Variants in HLCS observed in about 807,000 individuals in gnomAD.
The protein encoded by HLCS is holocarboxylase synthetase, also known as biotin--protein ligase.
In HLCS, 53 loss-of-function variants were observed where a neutral mutation model predicts 75.0. The ratio of observed to expected loss-of-function variants is 0.71; its 90% CI spans 0.57 to 0.89. The LOEUF (loss-of-function observed/expected upper bound fraction) is 0.89. HLCS is among the 40% of genes least tolerant of loss of function. The pLI is 0.00. For missense variants in HLCS, 966 were observed against 1,074.0 expected (o/e 0.90, Z 1.41); for synonymous variants, 431 against 428.6 (o/e 1.01, Z -0.07).
intron 2 of HLCS, among the ~76,000 whole-genome samples, chr21:36,941,096 C>T (rs182242770): frequency 1.3e-5 from 2 of 152,300 alleles, no homozygotes; most frequent in East Asian, 3.9e-4. Context: ...CCTATAATCC[C>T]AGCTATTCAG....
chr21:36,845,573 C>T (rs1057187802), intron 6 of HLCS, among the ~76,000 whole-genome samples: 5 of 152,164 alleles, frequency 3.3e-5, no homozygotes, highest in East Asian at 1.9e-4. Context: ...AGCAGGGACA[C>T]GCTCCCAGTT....
At chr21:36,877,242 A>C (rs1294213531) in intron 6 of HLCS, among the ~76,000 whole-genome samples, 4 of 152,184 alleles carry the variant, frequency 2.6e-5, no homozygotes, top group African/African-American at 9.7e-5. Context: ...TTATCATTTA[A>C]TGTAAATATT....
At chr21:36,830,742 G>A (rs966385822) in intron 6 of HLCS, among the ~76,000 whole-genome samples, 4 of 144,358 alleles carry the variant, frequency 2.8e-5, no homozygotes, top group Admixed American at 7.3e-5. Context: ...CTCTGGACAA[G>A]CCCCTGGAAG....
rs1045397185 is a variant in HLCS, at chr21:36,935,858, A to G, written c.1437+591T>C. On this transcript the variant is annotated intron_variant, in intron 4 of 10. Coordinates refer to ENST00000674895, the MANE Select transcript of HLCS (RefSeq NM_001352514.2). Reference sequence around the variant, plus strand: ...CTTTCCATTTTCCCCCTACCTATGTATTAGTATGCCACAAATCTAAGTAGC... The same window carrying G: ...CTTTCCATTTTCCCCCTACCTATGTGTTAGTATGCCACAAATCTAAGTAGC... 3.3e-5 allele frequency among the ~76,000 whole-genome samples: 5 copies of G among 152,318 alleles called. No individual in the cohort carries two copies. The East Asian group carries it at 9.6e-4, about 29-fold the overall frequency.
At chr21:36,879,238 C>T (rs1314147205) in intron 6 of HLCS, among the ~76,000 whole-genome samples, 1 of 152,166 alleles carries the variant, frequency 6.6e-6, no homozygotes, top group Non-Finnish European at 1.5e-5. Context: ...TTATAATTCA[C>T]CAAGTATCTT....
intron 6 of HLCS, among the ~76,000 whole-genome samples, chr21:36,812,408 C>A (rs1376513966): frequency 6.6e-6 from 1 of 152,176 alleles, no homozygotes; most frequent in Non-Finnish European, 1.5e-5. Context: ...TACGCTTTAT[C>A]CTTTGATTTT....
intron 6 of HLCS, among the ~76,000 whole-genome samples, chr21:36,874,530 G>T (rs898764246): frequency 6.6e-6 from 1 of 152,152 alleles, no homozygotes; most frequent in African/African-American, 2.4e-5. Flanking sequence ...ATATAGCTTT[G>T]ATTATTGTCA....
chr21:36,850,871 G>A (rs775035004), intron 6 of HLCS, among the ~76,000 whole-genome samples: 3 of 152,100 alleles, frequency 2.0e-5, no homozygotes, highest in Non-Finnish European at 2.9e-5. Flanking sequence ...GGCCAGTCGG[G>A]GTCTACAAGC....
chr21:36,890,261 A>G (rs1377132970), intron 6 of HLCS, among the ~76,000 whole-genome samples: 2 of 152,196 alleles, frequency 1.3e-5, no homozygotes, highest in Admixed American at 6.5e-5. Flanking sequence ...ACTAATACAC[A>G]TGGCATCCAG....
At chr21:36,902,829 G>A (rs566326393) in intron 5 of HLCS, among the ~76,000 whole-genome samples, 6 of 152,068 alleles carry the variant, frequency 3.9e-5, no homozygotes, top group Admixed American at 2.6e-4. Context: ...TGAGAAGTCC[G>A]CATGATTTTG....
At chr21:36,886,093 C>T (rs1346989600) in intron 6 of HLCS, among the ~76,000 whole-genome samples, 1 of 151,224 alleles carries the variant, frequency 6.6e-6, no homozygotes, top group African/African-American at 2.4e-5. Context: ...AAGTCTCATA[C>T]ACCCTCAAAA....
intron 2 of HLCS, among the ~76,000 whole-genome samples, chr21:36,945,053 G>GA (rs570235426): frequency 1.3e-3 from 192 of 152,198 alleles, no homozygotes; most frequent in Middle Eastern, 3.4e-3. Context: ...CCAGGAAGCG[G>GA]AACTTGCAGT....
chr21:36,859,962 G>A (rs1406297024), intron 6 of HLCS, among the ~76,000 whole-genome samples: 2 of 152,194 alleles, frequency 1.3e-5, no homozygotes, highest in Admixed American at 1.3e-4. Flanking sequence ...ACCCCATCCT[G>A]AAATTGTTCC....
At chr21:36,937,728 T>C (rs1286741282) in intron 3 of HLCS, among the ~76,000 whole-genome samples, 1 of 152,152 alleles carries the variant, frequency 6.6e-6, no homozygotes, top group African/African-American at 2.4e-5. Flanking sequence ...TTCTTGGGTG[T>C]TATTCTCCTT....
intron 2 of HLCS, among the ~76,000 whole-genome samples, chr21:36,960,551 C>T (rs376306449): frequency 2.6e-5 from 4 of 152,206 alleles, no homozygotes; most frequent in African/African-American, 9.7e-5. Flanking sequence ...GAAAGTCTCT[C>T]GCTATCCTAT....
At chr21:36,946,456 G>A (rs1264870868) in intron 2 of HLCS, among the ~76,000 whole-genome samples, 1 of 151,868 alleles carries the variant, frequency 6.6e-6, no homozygotes, top group African/African-American at 2.4e-5. Flanking sequence ...TGCCCAAGCT[G>A]GTCTCAAACT....
At chr21:36,828,338 G>C (rs1407442447) in intron 6 of HLCS, among the ~76,000 whole-genome samples, 1 of 151,736 alleles carries the variant, frequency 6.6e-6, no homozygotes, top group African/African-American at 2.4e-5. Context: ...TTCAGTACTT[G>C]GTTCACTGAT....
chr21:36,804,945 T>C (rs2061319843), intron 6 of HLCS, among the ~76,000 whole-genome samples: 1 of 152,202 alleles, frequency 6.6e-6, no homozygotes, highest in African/African-American at 2.4e-5. Flanking sequence ...GTTGACAAAC[T>C]GTCTCTCCAT....
chr21:36,762,594 G>T (rs978532481), intron 8 of HLCS, among the ~76,000 whole-genome samples: 1 of 152,158 alleles, frequency 6.6e-6, no homozygotes, highest in Non-Finnish European at 1.5e-5. Context: ...AAACAACAGG[G>T]GCCTATTTCA....
Sources: gnomAD v4.1 joint callset for allele counts (sites outside exome capture counted in the v4.1 genomes callset) on GRCh38, gnomAD v4.1.1 for gene constraint, MANE v1.5 for transcripts, NCBI Gene and HGNC (gene_info 2026-07-23, HGNC 2026-07-21) for gene names.